Variants in LMNTD1 observed in about 807,000 individuals in gnomAD.
LMNTD1 encodes the protein lamin tail domain-containing protein 1.
In LMNTD1, 35 loss-of-function variants were observed where a neutral mutation model predicts 50.9. The ratio of observed to expected loss-of-function variants is 0.69; its 90% CI spans 0.53 to 0.91. The LOEUF (loss-of-function observed/expected upper bound fraction) is 0.91, where lower values mean the gene tolerates loss of function less well. Among genes scored for constraint, LMNTD1 ranks in the 40% least tolerant of loss-of-function variants. LMNTD1 has a pLI of 0.00. For synonymous variants in LMNTD1, 153 were observed against 161.9 expected, an observed-to-expected ratio of 0.94 and a Z score of 0.42; for missense variants, 470 against 475.5, an observed-to-expected ratio of 0.99 and a Z score of 0.11.
At chr12:25,565,945 A>G (rs957518611) in intron 1 of LMNTD1, among the ~76,000 whole-genome samples, 79 of 152,070 alleles carry the variant, frequency 5.2e-4, no homozygotes, top group African/African-American at 1.8e-3. Context: ...TAATGTTTCC[A>G]CTGAAAAGTC....
chr12:25,500,485 A>G (rs1182891053), intron 9 of LMNTD1, among the ~76,000 whole-genome samples: 2 of 152,156 alleles, frequency 1.3e-5, no homozygotes, highest in Non-Finnish European at 2.9e-5. Context: ...CTCCATCACC[A>G]GCACTTTTAT....
chr12:25,614,908 G>A (rs1190294038), intron 1 of LMNTD1, among the ~76,000 whole-genome samples: 3 of 152,136 alleles, frequency 2.0e-5, no homozygotes, highest in Admixed American at 2.0e-4. Flanking sequence ...TTTTCACACT[G>A]TCTTCCCTCT....
At chr12:25,629,920 T>C (rs1320430564) in intron 1 of LMNTD1, among the ~76,000 whole-genome samples, 1 of 152,176 alleles carries the variant, frequency 6.6e-6, no homozygotes, top group Non-Finnish European at 1.5e-5. Flanking sequence ...GACTGTGAAC[T>C]AATTTGTGAC....
chr12:25,609,251 T>C (rs1946190139), intron 1 of LMNTD1, among the ~76,000 whole-genome samples: 1 of 152,226 alleles, frequency 6.6e-6, no homozygotes, highest in Admixed American at 6.5e-5. Flanking sequence ...TTTAGCTTCT[T>C]TGCGATGGGT....
At chr12:25,528,093 T>C (rs1053864625) in intron 4 of LMNTD1, among the ~76,000 whole-genome samples, 2 of 152,120 alleles carry the variant, frequency 1.3e-5, no homozygotes, top group African/African-American at 4.8e-5. Context: ...CCCAAGTATT[T>C]TGGTGAAGGC....
intron 6 of LMNTD1, among the ~76,000 whole-genome samples, chr12:25,523,306 A>G (rs768789582): frequency 5.3e-5 from 8 of 152,216 alleles, no homozygotes; most frequent in Non-Finnish European, 1.0e-4. Flanking sequence ...TGCTGGGATT[A>G]CAGGCATAAG....
At chr12:25,516,284 C>G (rs1481490468) in intron 8 of LMNTD1, among the ~76,000 whole-genome samples, 1 of 152,158 alleles carries the variant, frequency 6.6e-6, no homozygotes, top group Admixed American at 6.5e-5. Context: ...ATCAAAGCAA[C>G]TATTTTTGAA....
intron 1 of LMNTD1, among the ~76,000 whole-genome samples, chr12:25,634,025 G>A (rs118183673): frequency 0.012 from 1,874 of 152,160 alleles, 15 homozygotes; most frequent in Non-Finnish European, 0.019. Context: ...ACAGAAATAC[G>A]AAAGATCATT....
At chr12:25,499,867 C>G (rs188532910) in intron 9 of LMNTD1, 1 of 152,278 alleles carries the variant, frequency 6.6e-6, no homozygotes, top group Admixed American at 6.5e-5. Flanking sequence ...AAAGCGGAAC[C>G]CGCTACGTTT....
At chr12:25,611,132 A>G (rs1229756899) in intron 1 of LMNTD1, among the ~76,000 whole-genome samples, 5 of 152,228 alleles carry the variant, frequency 3.3e-5, no homozygotes. Context: ...CTCAAATACC[A>G]GGGAAGTCAA....
chr12:25,526,680 A>G (rs1941737500), intron 5 of LMNTD1, 89 bp downstream of exon 5: 2 of 849,864 alleles, frequency 2.4e-6, no homozygotes, highest in Non-Finnish European at 3.6e-6. Context: ...ATAGAGTGAT[A>G]ACGAGACAGT....
intron 1 of LMNTD1, among the ~76,000 whole-genome samples, chr12:25,627,144 T>C (rs1276962989): frequency 6.6e-6 from 1 of 152,194 alleles, no homozygotes; most frequent in African/African-American, 2.4e-5. Flanking sequence ...TTAGGTCAAA[T>C]CTGGCAGCGT....
chr12:25,477,161 G>T (rs568374438), intron 9 of LMNTD1, among the ~76,000 whole-genome samples: 1 of 152,258 alleles, frequency 6.6e-6, no homozygotes, highest in South Asian at 2.1e-4. Flanking sequence ...TTTCTATGGA[G>T]AACTATTACA....
At chr12:25,521,126 G>A (rs533115696) in intron 6 of LMNTD1, among the ~76,000 whole-genome samples, 83 of 122,758 alleles carry the variant, frequency 6.8e-4, no homozygotes, top group Non-Finnish European at 1.3e-3. Flanking sequence ...TCTCAGATAT[G>A]AGGTTTGCAA....
intron 1 of LMNTD1, among the ~76,000 whole-genome samples, chr12:25,571,629 C>T (rs1168477584): frequency 1.3e-5 from 2 of 151,702 alleles, no homozygotes; most frequent in Non-Finnish European, 2.9e-5. Context: ...TCCCAAAATG[C>T]TGGGATTACA....
chr12:25,514,704 G>A (rs562932982), intron 8 of LMNTD1, among the ~76,000 whole-genome samples: 18 of 152,164 alleles, frequency 1.2e-4, no homozygotes, highest in African/African-American at 4.3e-4. Context: ...AAATGCTTGA[G>A]GGAACGGATA....
chr12:25,554,957 T>C (rs1292999466), upstream of LMNTD1, among the ~76,000 whole-genome samples: 1 of 151,808 alleles, frequency 6.6e-6, no homozygotes, highest in Non-Finnish European at 1.5e-5. Context: ...TCCCAGCTAC[T>C]CTGGAGGCTA....
chr12:25,550,926 ATGTGCACTTAACATCC>A (rs1943705880), intron 2 of LMNTD1, among the ~76,000 whole-genome samples: 1 of 152,240 alleles, frequency 6.6e-6, no homozygotes, highest in Non-Finnish European at 1.5e-5. Flanking sequence ...CTTAAGAAGC[ATGTGCACTTAACATCC>A]TGCTGACACT....
At chr12:25,522,829 G>A (rs1488401557) in intron 6 of LMNTD1, among the ~76,000 whole-genome samples, 1 of 152,094 alleles carries the variant, frequency 6.6e-6, no homozygotes, top group Admixed American at 6.5e-5. Context: ...ATATTATACA[G>A]TCTCTTACTT....
Sources: allele counts gnomAD v4.1 joint callset (sites outside exome capture counted in the v4.1 genomes callset), GRCh38; gene constraint gnomAD v4.1.1; transcripts MANE v1.5; gene names NCBI Gene and HGNC (gene_info 2026-07-23, HGNC 2026-07-21).